The following NCF2 variants were observed in gnomAD, a reference collection of about 807,000 sequenced individuals.
NCF2 encodes the protein neutrophil cytosol factor 2.
Under a neutral mutation model 70.9 loss-of-function variants are expected in NCF2, and 45 were observed. The observed-to-expected ratio is 0.63, with a 90% CI of 0.50 to 0.81. The LOEUF is 0.81. Among genes scored for constraint, NCF2 ranks in the 40% least tolerant of loss-of-function variants. The probability of loss-of-function intolerance (pLI) is 0.00; values close to 1 mark genes in which losing one functional copy is unlikely to be tolerated. For synonymous variants in NCF2, 203 were observed against 233.6 expected, an observed-to-expected ratio of 0.87 and a Z score of 1.19; for missense variants, 522 against 631.6, an observed-to-expected ratio of 0.83 and a Z score of 1.86.
At chr1:183,574,329 G>A (rs1164751901) in intron 4 of NCF2, among the ~76,000 whole-genome samples, 158 bp downstream of exon 4, 1 of 152,158 alleles carries the variant, frequency 6.6e-6, no homozygotes, top group Non-Finnish European at 1.5e-5. Context: ...TCTCAGCACA[G>A]ATTCAAGATC....
chr1:183,590,408 G>C lies in NCF2; in HGVS notation c.-79C>G. On this transcript the variant is annotated 5_prime_UTR_variant, in exon 1 of 15. Coordinates refer to ENST00000367535, the MANE Select transcript of NCF2 (RefSeq NM_000433.4). ...AGGTTGGAGCGTCTCCCCTAGCAGG[G>C]CTGCCTTAGTGGCCCCCAAGGTGTT... 1.3e-6 allele frequency: 2 copies of C among 1,548,540 alleles called. No homozygotes were observed. Among genetic ancestry groups the C allele is most frequent in the Non-Finnish European group, 1.8e-6 (2 of 1,126,146 alleles).
chr1:183,564,353 G>GA (rs1358686065), intron 10 of NCF2, among the ~76,000 whole-genome samples: 1 of 152,148 alleles, frequency 6.6e-6, no homozygotes, highest in Non-Finnish European at 1.5e-5. Flanking sequence ...CCAAAGCAAT[G>GA]AAAATCGGAG....
chr1:183,583,907 G>C (rs1056523869), intron 2 of NCF2, among the ~76,000 whole-genome samples: 4 of 152,178 alleles, frequency 2.6e-5, no homozygotes, highest in Non-Finnish European at 5.9e-5. Flanking sequence ...GATCACTCTG[G>C]AATATGAATG....
rs699241 is a variant in NCF2, at chr1:183,577,367, G to A, written c.366+232C>T. Among the ~76,000 whole-genome samples the A allele has an allele frequency of 0.041, 6,213 of 152,256 alleles. 435 individuals are homozygous for A. The highest frequency in any genetic ancestry group is 0.14 in the African/African-American group (5,873 of 41,532). On this transcript the variant is annotated intron_variant, in intron 3 of 14. Coordinates refer to ENST00000367535, the MANE Select transcript of NCF2 (RefSeq NM_000433.4). Reference sequence around the variant, plus strand: ...GGCTCATTTTTGCATGGTCCTTTGCGCTTCACATTAATAAAATGTATGCCC... The same window carrying A: ...GGCTCATTTTTGCATGGTCCTTTGCACTTCACATTAATAAAATGTATGCCC...
At chr1:183,567,466 A>T (rs2102891390) in intron 7 of NCF2, 121 bp from the exon 8 acceptor site, 8 of 1,381,692 alleles carry the variant, frequency 5.8e-6, no homozygotes, top group Non-Finnish European at 8.2e-6. Context: ...ATCTAACTGC[A>T]ACTGCCGAGA....
chr1:183,578,032 TTC>T (rs1298627780), intron 2 of NCF2, among the ~76,000 whole-genome samples: 3 of 152,212 alleles, frequency 2.0e-5, no homozygotes, highest in Admixed American at 6.5e-5. Context: ...GCAGCTCTCA[TTC>T]TCTCTTGAGA....
the NCF2 span, among the ~76,000 whole-genome samples, chr1:183,597,576 G>A: frequency 6.6e-6 from 1 of 152,176 alleles, no homozygotes; most frequent in African/African-American, 2.4e-5. Context: ...AGTGAACATA[G>A]TACCCGATAG....
At chr1:183,594,848 G>A (rs1037198536), upstream of NCF2, among the ~76,000 whole-genome samples, 5 of 151,978 alleles carry the variant, frequency 3.3e-5, no homozygotes, top group Non-Finnish European at 7.4e-5. Context: ...TTATTCCTGG[G>A]CACTCAGGAA....
At position 183,574,636 on chromosome 1, in the gene NCF2, A is replaced by C. The variant is rs12568414; in HGVS notation, c.367-15T>G. On this transcript the variant is annotated splice_polypyrimidine_tract_variant and intron_variant, in intron 3 of 14. Transcript: ENST00000367535. The stretch of plus-strand genomic sequence containing the variant: ...TTATATAACACCTAGAAAAGTACAG[A>C]CCGCAACATAAAACTTGAGACTACT... 6.2e-7 allele frequency: 1 copy of C among 1,614,104 alleles called. No individual in the cohort carries two copies. Among genetic ancestry groups the C allele is most frequent in the East Asian group, 2.2e-5 (1 of 44,870 alleles).
intron 2 of NCF2, 110 bp from the exon 3 acceptor site, chr1:183,577,817 C>A: frequency 1.3e-6 from 1 of 795,198 alleles, no homozygotes; most frequent in South Asian, 1.4e-5. Context: ...GGACAAGAAG[C>A]CTTTCAGTTC....
intron 9 of NCF2, 71 bp from the exon 10 acceptor site, chr1:183,565,850 C>T: frequency 1.4e-6 from 2 of 1,466,926 alleles, no homozygotes; most frequent in South Asian, 2.3e-5. Context: ...TGTGGGGAAA[C>T]ACCCCTACAG....
chr1:183,598,316 A>G, the NCF2 span: 1 of 152,128 alleles, frequency 6.6e-6, no homozygotes, highest in Non-Finnish European at 1.5e-5. Context: ...AAATAGATGT[A>G]AGCCCCAGGC....
intron 1 of NCF2, 112 bp downstream of exon 1, chr1:183,590,044 A>T: frequency 6.6e-7 from 1 of 1,526,244 alleles, no homozygotes; most frequent in Non-Finnish European, 9.1e-7. Context: ...GAGCTTGGGC[A>T]ACTTTTGTTC....
At chr1:183,575,901 G>A (rs377469880) in intron 3 of NCF2, among the ~76,000 whole-genome samples, 1 of 152,290 alleles carries the variant, frequency 6.6e-6, no homozygotes, top group South Asian at 2.1e-4. Context: ...TGGAAATCTG[G>A]ACTCCTTTCA....
intron 14 of NCF2, among the ~76,000 whole-genome samples, chr1:183,559,194 G>A (rs1233855772): frequency 6.6e-6 from 1 of 151,890 alleles, no homozygotes; most frequent in African/African-American, 2.4e-5. Context: ...GGGATTCTTA[G>A]AACTCTCCAC....
the NCF2 span, among the ~76,000 whole-genome samples, chr1:183,599,454 C>CTTTCTTTCTTTCTTTCT: frequency 1.1e-5 from 1 of 88,290 alleles, no homozygotes; most frequent in African/African-American, 3.4e-5. Context: ...TTCTTTCTTT[C>CTTTCTTTCTTTCTTTCT]TTTCTTTCTT....
chr1:183,599,423 C>CTTTCTTTCT, the NCF2 span, among the ~76,000 whole-genome samples: 100 of 107,506 alleles, frequency 9.3e-4, 1 homozygote, highest in African/African-American at 3.5e-3. Context: ...TCTTTCTTTC[C>CTTTCTTTCT]TTCTTTCTTT....
intron 7 of NCF2, 26 bp downstream of exon 7, chr1:183,569,116 T>A: frequency 6.2e-7 from 1 of 1,608,538 alleles, no homozygotes; most frequent in Non-Finnish European, 8.5e-7. Context: ...TTGGATATTC[T>A]ATTTATGGAT....
At chr1:183,599,475 T>TTTCC in the NCF2 span, among the ~76,000 whole-genome samples, 1 of 143,862 alleles carries the variant, frequency 7.0e-6, no homozygotes, top group Non-Finnish European at 1.5e-5. Context: ...TCTTTCTTTC[T>TTTCC]TTCTTTCTCT....
Sources: allele counts gnomAD v4.1 joint callset (sites outside exome capture counted in the v4.1 genomes callset), GRCh38; gene constraint gnomAD v4.1.1; transcripts MANE v1.5; gene names NCBI Gene and HGNC (gene_info 2026-07-23, HGNC 2026-07-21).